CLEC4E: variants seen among roughly 807,000 people sequenced by gnomAD.
CLEC4E encodes C-type (calcium dependent, carbohydrate-recognition domain) lectin, superfamily member 9.
Under a neutral mutation model 24.7 loss-of-function variants are expected in CLEC4E, and 21 were observed. The observed-to-expected ratio is 0.85, with a 90% CI of 0.60 to 1.22. The LOEUF is 1.22. Ranked by LOEUF, CLEC4E falls within the 50% of genes most tolerant of loss-of-function variation. The pLI is 0.00. For synonymous variants in CLEC4E, 94 were observed against 85.7 expected (o/e 1.10, Z -0.54); for missense variants, 249 against 254.1 (o/e 0.98, Z 0.14).
rs764797711 is a variant in CLEC4E at position 8,534,744 on chromosome 12, G to C, written c.554C>G (p.Ser185Cys). Residue 185 changes from serine (S) to cysteine (C), a missense_variant, in exon 6 of 6, where the codon TCT becomes TGT. Physicochemically the swap from Ser to Cys is moderately radical, Grantham distance 112 (BLOSUM62 -1). Transcript: ENST00000299663. ...TLEDCATMRD[S>C]SNPRQNWNDV... ...ATTCCAATTTTGCCTTGGGTTTGAA[G>C]AGTCTCTCATGGTGGCACAGTCCTC... 1.9e-6 allele frequency: 3 copies of C among 1,613,962 alleles called. No homozygotes were observed. The East Asian group carries it at 6.7e-5, about 36-fold the overall frequency.
In CLEC4E at chr12:8,533,930, C is replaced by T. The variant is rs1014377968; in HGVS notation, c.*708G>A. ...CTTAGAATAAATTGACTATTGGACT[C>T]GGGTCCTAGCTGAGCAATAGATACA... On this transcript the variant is annotated 3_prime_UTR_variant, in exon 6 of 6. Transcript: ENST00000299663. 4 of 152,160 alleles carry T rather than the reference C, an allele frequency of 2.6e-5. No homozygotes were observed. The highest frequency in any genetic ancestry group is 2.1e-4 in the South Asian group (1 of 4,834). 9.4% of individuals were successfully genotyped at this position (152,160 alleles called of 1,614,324 possible).
chr12:8,537,882 G>A (rs1940636731), intron 3 of CLEC4E, among the ~76,000 whole-genome samples: 1 of 152,154 alleles, frequency 6.6e-6, no homozygotes. Flanking sequence ...TATAATCATA[G>A]CCAAGGAAAA....
In CLEC4E at chr12:8,534,860, G is replaced by A. The variant is rs772849084; in HGVS notation, c.489-51C>T. The A allele has an allele frequency of 2.1e-5, 32 of 1,506,084 alleles. No homozygotes were observed. The South Asian group carries it at 3.4e-4, about 16-fold the overall frequency. The allele number at this position is 1,506,084 out of a possible 1,614,324, so 93.3% of individuals were successfully genotyped here. The stretch of plus-strand genomic sequence containing the variant: ...TAAAATCCCAGCAAAAAGAGGTAAA[G>A]TAACCTAATATACTAGGCAAATTAC... On this transcript the variant is annotated intron_variant, in intron 5 of 5. Coordinates refer to ENST00000299663, the MANE Select transcript of CLEC4E (RefSeq NM_014358.4).
At chr12:8,536,449 T>C (rs1394176902) in intron 4 of CLEC4E, among the ~76,000 whole-genome samples, 2 of 152,064 alleles carry the variant, frequency 1.3e-5, no homozygotes, top group African/African-American at 4.8e-5. Flanking sequence ...TCCCAGCTAC[T>C]TGGGAGGCTG....
intron 4 of CLEC4E, 52 bp downstream of exon 4, chr12:8,537,063 A>G (rs193034599): frequency 1.9e-4 from 297 of 1,560,632 alleles, no homozygotes; most frequent in Non-Finnish European, 2.4e-4. Flanking sequence ...GTATGAAAAG[A>G]GAGGTGGACC....
Position 8,540,761 on chromosome 12 carries a change from C to T in CLEC4E, c.37G>A (p.Glu13Lys). Residue 13 changes from glutamate (E) to lysine (K), a missense_variant and splice_region_variant, in exon 1 of 6, where the codon GAG becomes AAG. Transcript: ENST00000299663. ...SSKSSETQCT[E>K]RGCFSSQMFL... ...GGAAAGGAAGAGTTGCAGATTTTAC[C>T]TGTGCATTGTGTTTCAGATGATTTA... 6.2e-7 allele frequency: 1 copy of T among 1,609,774 alleles called. No homozygotes were observed. Among genetic ancestry groups the T allele is most frequent in the South Asian group, 1.1e-5 (1 of 90,908 alleles).
rs779896075 is a variant in CLEC4E at position 8,534,826 on chromosome 12, T to C, written c.489-17A>G. ...TCCCAGAAGCTGAAAAAGAATGACATAGGAGACTTAAAATCCCAGCAAAAA... is the reference window on the plus strand; with the variant it reads ...TCCCAGAAGCTGAAAAAGAATGACACAGGAGACTTAAAATCCCAGCAAAAA... On this transcript the variant is annotated splice_polypyrimidine_tract_variant and intron_variant, in intron 5 of 5. Transcript: ENST00000299663. 3 of 1,596,966 alleles carry C rather than the reference T, an allele frequency of 1.9e-6. No homozygotes were observed. The highest frequency in any genetic ancestry group is 2.3e-5 in the South Asian group (2 of 87,794).
At chr12:8,536,784 A>G (rs1940620787) in intron 4 of CLEC4E, among the ~76,000 whole-genome samples, 1 of 152,220 alleles carries the variant, frequency 6.6e-6, no homozygotes, top group South Asian at 2.1e-4. Flanking sequence ...ATTATTAATC[A>G]CAGCTTAAAG....
chr12:8,537,578 G>T (rs1402333007), intron 3 of CLEC4E, among the ~76,000 whole-genome samples: 10 of 152,148 alleles, frequency 6.6e-5, no homozygotes, highest in Admixed American at 5.9e-4. Context: ...TAATGTCAGA[G>T]AAATTTATGC....
intron 3 of CLEC4E, among the ~76,000 whole-genome samples, chr12:8,537,957 G>A (rs1035490267): frequency 5.9e-5 from 9 of 152,258 alleles, no homozygotes; most frequent in Admixed American, 3.3e-4. Context: ...ACAAGAGTGC[G>A]AGCCTTCCGT....
chr12:8,537,190 A>G lies in CLEC4E; in HGVS notation c.297T>C (p.Ile99=), dbSNP rs945944610. The G allele has an allele frequency of 1.9e-6, 3 of 1,614,032 alleles. No individual in the cohort carries two copies. Among genetic ancestry groups the G allele is most frequent in the African/African-American group, 1.3e-5 (1 of 75,048 alleles). Reference sequence around the variant, plus strand: ...AGTTCTTTAAACTTAACGCCCAGGAAATGGTGTCAGTAGAAAAGAAGTAGC... The same window carrying G: ...AGTTCTTTAAACTTAACGCCCAGGAGATGGTGTCAGTAGAAAAGAAGTAGC... ...SSCYFFSTDT[I]SWALSLKNCS... is the part of the protein sequence containing the mutation. Residue 99 remains isoleucine (I), a synonymous_variant, in exon 4 of 6, where the codon ATT becomes ATC. Transcript: ENST00000299663.
At chr12:8,538,653 G>T (rs1283457600) in intron 3 of CLEC4E, among the ~76,000 whole-genome samples, 1 of 152,108 alleles carries the variant, frequency 6.6e-6, no homozygotes, top group Admixed American at 6.5e-5. Context: ...CTCGTCTCTG[G>T]ACACAGGGAG....
At position 8,540,833 on chromosome 12, in the gene CLEC4E, C is replaced by G. The variant is rs1940691653; in HGVS notation, c.-36G>C. On this transcript the variant is annotated 5_prime_UTR_variant, in exon 1 of 6. Transcript: ENST00000299663. ...TCTTTGGTTTTTTGTTTCTCTCTCTCTCTTTTTCTCTCCCTCCCTCTCTTT... is the reference window on the plus strand; with the variant it reads ...TCTTTGGTTTTTTGTTTCTCTCTCTGTCTTTTTCTCTCCCTCCCTCTCTTT... 1 of 1,333,376 alleles carries G rather than the reference C, an allele frequency of 7.5e-7. No homozygotes were observed. The highest frequency in any genetic ancestry group is 1.4e-5 in the African/African-American group (1 of 69,414). 82.6% of individuals were successfully genotyped at this position (1,333,376 alleles called of 1,614,324 possible). A position where few individuals can be genotyped will look rare whatever the true frequency, so the allele number is the denominator to read the frequency against.
chr12:8,539,295 T>C lies in CLEC4E; in HGVS notation c.142A>G (p.Ile48Val), dbSNP rs1278201907. 7.5e-6 allele frequency: 12 copies of C among 1,608,686 alleles called. No individual in the cohort carries two copies. In the Admixed American group the frequency reaches 2.0e-4, roughly 27 times the overall value. ...TTTTTCTCATCACAGGTTTGAAAGA[T>C]GCGAAATGTCACTGTAAAAGAAAGG... ...FITRCVVTFR[I>V]FQTCDEKKFQ... Residue 48 changes from isoleucine (I) to valine (V), a missense_variant, in exon 3 of 6, where the codon ATC becomes GTC. Physicochemically the swap from Ile to Val is conservative, Grantham distance 29. Coordinates refer to ENST00000299663, the MANE Select transcript of CLEC4E (RefSeq NM_014358.4).
At position 8,534,382 on chromosome 12, in the gene CLEC4E, A is replaced by C. The variant is rs187985780; in HGVS notation, c.*256T>G. 7 of 256,340 alleles carry C rather than the reference A, an allele frequency of 2.7e-5. No individual in the cohort carries two copies. The Admixed American group carries it at 3.7e-4, about 14-fold the overall frequency. The allele number at this position is 256,340 out of a possible 1,614,324, so 15.9% of individuals were successfully genotyped here. ...ACTTTCATACGAACACTAAAAAATG[A>C]GGCAAATGTAGCAAAAGGTAGTGAA... is the stretch of plus-strand genomic sequence containing the variant. On this transcript the variant is annotated 3_prime_UTR_variant, in exon 6 of 6. Coordinates refer to ENST00000299663, the MANE Select transcript of CLEC4E (RefSeq NM_014358.4).
rs1313223245 is a variant in CLEC4E at position 8,536,019 on chromosome 12, A to G, written c.488+71T>C. ...TTTCCTGCATTTAATACCACCACCAATAATGGACCTGATCTATTGCAGGTA... is the reference window on the plus strand; with the variant it reads ...TTTCCTGCATTTAATACCACCACCAGTAATGGACCTGATCTATTGCAGGTA... On this transcript the variant is annotated intron_variant, in intron 5 of 5. Coordinates refer to ENST00000299663, the MANE Select transcript of CLEC4E (RefSeq NM_014358.4). 9.1e-6 allele frequency: 8 copies of G among 878,126 alleles called. No homozygotes were observed. In the Admixed American group the frequency reaches 1.4e-4, roughly 15 times the overall value. 54.4% of individuals were successfully genotyped at this position (878,126 alleles called of 1,614,324 possible).
chr12:8,539,605 A>G (rs1202593916), intron 2 of CLEC4E, among the ~76,000 whole-genome samples: 1 of 152,190 alleles, frequency 6.6e-6, no homozygotes, highest in Admixed American at 6.5e-5. Flanking sequence ...AAAGAGGAGG[A>G]TTCAGGACTG....
rs773155374 is a variant in CLEC4E at position 8,539,864 on chromosome 12, T to C, written c.121A>G (p.Arg41Gly). ...GACCTTCAGAACCCACCAACACATCTGGTGATGAAACAGGCACTGAGAAAT... is the reference window on the plus strand; with the variant it reads ...GACCTTCAGAACCCACCAACACATCCGGTGATGAAACAGGCACTGAGAAAT... ...ILFLSACFIT[R>G]CVVTFRIFQT... Residue 41 changes from arginine (R) to glycine (G), a missense_variant, in exon 2 of 6, where the codon AGA (arginine) becomes GGA (glycine). Coordinates refer to ENST00000299663, the MANE Select transcript of CLEC4E (RefSeq NM_014358.4). 6.2e-7 allele frequency: 1 copy of C among 1,603,936 alleles called. No homozygotes were observed. Among genetic ancestry groups the C allele is most frequent in the South Asian group, 1.1e-5 (1 of 90,868 alleles).
chr12:8,538,637 C>T (rs1940649597), intron 3 of CLEC4E, among the ~76,000 whole-genome samples: 1 of 152,210 alleles, frequency 6.6e-6, no homozygotes, highest in Non-Finnish European at 1.5e-5. Flanking sequence ...TTTATTTCTA[C>T]ATGCTCTCGT....
Sources: gnomAD v4.1 joint callset for allele counts (sites outside exome capture counted in the v4.1 genomes callset) on GRCh38, gnomAD v4.1.1 for gene constraint, MANE v1.5 for transcripts, NCBI Gene and HGNC (gene_info 2026-07-23, HGNC 2026-07-21) for gene names.